Variants in KRT82 observed in about 807,000 individuals in gnomAD.
KRT82 encodes keratin, type II cuticular Hb2.
Under a neutral mutation model 48.0 loss-of-function variants are expected in KRT82, and 44 were observed. The observed-to-expected ratio is 0.92, with a 90% confidence interval of 0.72 to 1.18. The LOEUF is 1.18. Ranked by LOEUF, KRT82 falls within the 50% of genes most tolerant of loss-of-function variation. KRT82 has a pLI of 0.00. For missense variants in KRT82, 701 were observed against 671.4 expected, an observed-to-expected ratio of 1.04 and a Z score of -0.49; for synonymous variants, 297 against 278.3, an observed-to-expected ratio of 1.07 and a Z score of -0.67.
chr12:52,394,639 G>C lies in KRT82; in HGVS notation c.*336C>G. ...CTGACTTTGTGAGGAAACTTCCATG[G>C]GATGATCCACAGAGCAGAACTGTGG... On this transcript the variant is annotated 3_prime_UTR_variant, in exon 9 of 9. Transcript: ENST00000257974. 3.2e-6 allele frequency: 1 copy of C among 313,762 alleles called. No homozygotes were observed. Among genetic ancestry groups the C allele is most frequent in the Non-Finnish European group, 6.0e-6 (1 of 167,624 alleles). The allele number at this position is 313,762 out of a possible 1,614,324, so 19.4% of individuals were successfully genotyped here. A position where few individuals can be genotyped will look rare whatever the true frequency, so the allele number is the denominator to read the frequency against.
At chr12:52,399,448 T>C (rs1939757338) in intron 5 of KRT82, among the ~76,000 whole-genome samples, 2 of 152,322 alleles carry the variant, frequency 1.3e-5, no homozygotes, top group South Asian at 4.1e-4. Context: ...ATGGCGCCTT[T>C]CACAGGCAGG....
chr12:52,400,199 G>A (rs1300179926), intron 4 of KRT82, 50 bp from the exon 5 acceptor site: 2 of 1,569,750 alleles, frequency 1.3e-6, no homozygotes, highest in African/African-American at 1.4e-5. Context: ...AGCGTCCGGG[G>A]ACAGGAGAAG....
chr12:52,394,953 C>T lies in KRT82; in HGVS notation c.*22G>A, dbSNP rs1206857896. 2 of 1,602,002 alleles carry T rather than the reference C, an allele frequency of 1.2e-6. 1 individual carries two copies. The highest frequency in any genetic ancestry group is 1.7e-6 in the Non-Finnish European group (2 of 1,169,538). ...CAGGGCCATGGGGCAGGGGCTCTGT[C>T]TCCTGGATGTCTCGGATCATGCTAA... is the stretch of plus-strand genomic sequence containing the variant. On this transcript the variant is annotated 3_prime_UTR_variant, in exon 9 of 9. Coordinates refer to ENST00000257974, the MANE Select transcript of KRT82 (RefSeq NM_033033.4).
At position 52,394,094 on chromosome 12, in the gene KRT82, C is replaced by T. The variant is rs1287220188; in HGVS notation, c.*881G>A. 1 of 152,292 alleles carries T rather than the reference C, an allele frequency of 6.6e-6. No individual in the cohort carries two copies. Among genetic ancestry groups the T allele is most frequent in the Non-Finnish European group, 1.5e-5 (1 of 68,108 alleles). The allele number at this position is 152,292 out of a possible 1,614,324, so 9.4% of individuals were successfully genotyped here. A position where few individuals can be genotyped will look rare whatever the true frequency, so the allele number is the denominator to read the frequency against. On this transcript the variant is annotated 3_prime_UTR_variant, in exon 9 of 9. Transcript: ENST00000257974. ...CATCTATGAGCTCCTGAGCCAGGGCCTCCAAGTCAGCTGGGGCAGCCCCAC... is the reference window on the plus strand; with the variant it reads ...CATCTATGAGCTCCTGAGCCAGGGCTTCCAAGTCAGCTGGGGCAGCCCCAC...
At chr12:52,396,261 TG>T in intron 6 of KRT82, 29 bp from the exon 7 acceptor site, 1 of 1,584,558 alleles carries the variant, frequency 6.3e-7, no homozygotes, top group Non-Finnish European at 8.6e-7. Context: ...AAAGCATCAC[TG>T]GGGGCCCTGG....
In KRT82 at chr12:52,395,758, C is replaced by T. The variant is rs776558308; in HGVS notation, c.1321+1G>A. 3 of 1,557,200 alleles carry T rather than the reference C, an allele frequency of 1.9e-6. No individual in the cohort carries two copies. The South Asian group carries it at 3.7e-5, about 19-fold the overall frequency. The stretch of plus-strand genomic sequence containing the variant: ...CAGTGGGGCATGGCTCATCTACTTA[C>T]AGATATTCACGGGCCCGATGCCTTC... On this transcript the variant is annotated splice_donor_variant, in intron 8 of 8. Transcript: ENST00000257974. LOFTEE classifies it high-confidence loss of function.
intron 2 of KRT82, among the ~76,000 whole-genome samples, chr12:52,401,627 T>A (rs1939792202): frequency 6.6e-6 from 1 of 152,180 alleles, no homozygotes; most frequent in Non-Finnish European, 1.5e-5. Context: ...CATTCTCTCT[T>A]GCTGCTGAGG....
chr12:52,396,886 G>A lies in KRT82; in HGVS notation c.1065C>T (p.Ala355=), dbSNP rs540504466. ...RLQQETENVK[A]QRCKLEGAIA... ...AGGAAGTCCTCCCCAGCCTCACCTG[G>A]GCTTTGACATTCTCGGTTTCTTGCT... The change falls in exon 6 of 9, where the codon GCC becomes GCT. Residue 355 remains alanine, a synonymous_variant. Transcript: ENST00000257974. The A allele has an allele frequency of 1.8e-5, 29 of 1,613,982 alleles. No homozygotes were observed. The South Asian group carries it at 3.1e-4, about 17-fold the overall frequency.
chr12:52,404,457 A>C (rs1454082979), intron 1 of KRT82, among the ~76,000 whole-genome samples: 3 of 152,226 alleles, frequency 2.0e-5, no homozygotes, highest in African/African-American at 7.2e-5. Flanking sequence ...ATCTGAAAAA[A>C]GTCCAGGTCC....
At position 52,395,144 on chromosome 12, in the gene KRT82, G is replaced by A. The variant is rs2658658; in HGVS notation, c.1373C>T (p.Thr458Met). 751,666 of 1,613,670 alleles carry A rather than the reference G, an allele frequency of 0.47. 181,306 individuals are homozygous for A. The highest frequency in any genetic ancestry group is 0.5 in the Non-Finnish European group (584,640 of 1,179,792). The change falls in exon 9 of 9, where the codon ACG becomes ATG. Residue 458 changes from threonine (T) to methionine (M), a missense_variant. Coordinates refer to ENST00000257974, the MANE Select transcript of KRT82 (RefSeq NM_033033.4). ...AFLYEPCGVS[T>M]PVLSTGVLRS... ...GAGGACGCCAGTGCTGAGGACAGGC[G>A]TGCTGACCCCACATGGCTCGTACAG...
In KRT82 at chr12:52,396,107, G is replaced by A. The variant is rs779727571; in HGVS notation, c.1194C>T (p.Cys398=). 14 of 1,614,214 alleles carry A rather than the reference G, an allele frequency of 8.7e-6. No individual in the cohort carries two copies. In the South Asian group the frequency reaches 1.2e-4, roughly 14 times the overall value. The part of the protein sequence containing the change: ...ALQKAKQDMA[C]LLKEYQEVMN... Reference sequence around the variant, plus strand: ...TCACCTCCTGATATTCCTTGAGCAGGCAGGCCATGTCCTGCTTGGCCTTCT... The same window carrying A: ...TCACCTCCTGATATTCCTTGAGCAGACAGGCCATGTCCTGCTTGGCCTTCT... Residue 398 remains cysteine (C), a synonymous_variant, in exon 7 of 9, where the codon TGC becomes TGT. Coordinates refer to ENST00000257974, the MANE Select transcript of KRT82 (RefSeq NM_033033.4).
chr12:52,400,626 C>T lies in KRT82; in HGVS notation c.682-4G>A. The stretch of plus-strand genomic sequence containing the variant: ...TCAGGAAGGCTGTGTCCACGTCCTG[C>T]AGCAGAGCAGGGACAGAATGTGACC... On this transcript the variant is annotated splice_region_variant and splice_polypyrimidine_tract_variant and intron_variant, in intron 3 of 8. Coordinates refer to ENST00000257974, the MANE Select transcript of KRT82 (RefSeq NM_033033.4). The T allele has an allele frequency of 1.2e-6, 2 of 1,610,228 alleles. No homozygotes were observed. Among genetic ancestry groups the T allele is most frequent in the South Asian group, 1.1e-5 (1 of 91,018 alleles).
chr12:52,402,007 G>A (rs1356784856), intron 2 of KRT82: 4 of 152,144 alleles, frequency 2.6e-5, no homozygotes, highest in East Asian at 1.9e-4. Flanking sequence ...CTGCAGCAAC[G>A]GCCCTGGACT....
chr12:52,401,440 G>T, intron 2 of KRT82, 91 bp from the exon 3 acceptor site: 2 of 1,256,722 alleles, frequency 1.6e-6, no homozygotes, highest in Non-Finnish European at 2.3e-6. Context: ...AACTCTGCCT[G>T]TCACTGACTG....
chr12:52,395,891 T>A (rs1939705860), intron 7 of KRT82, 101 bp from the exon 8 acceptor site: 1 of 1,480,972 alleles, frequency 6.8e-7, no homozygotes, highest in African/African-American at 1.5e-5. Flanking sequence ...CATGTGCTGC[T>A]GTGGGTTTTC....
intron 6 of KRT82, 125 bp downstream of exon 6, chr12:52,396,758 G>C: frequency 9.3e-7 from 1 of 1,078,450 alleles, no homozygotes; most frequent in South Asian, 1.5e-5. Context: ...GCTTGAGCAA[G>C]GCAGCACAAG....
chr12:52,404,112 C>A (rs1034656345), intron 1 of KRT82, among the ~76,000 whole-genome samples: 14 of 152,314 alleles, frequency 9.2e-5, no homozygotes, highest in Middle Eastern at 6.8e-3. Context: ...GCCTAGTGGA[C>A]CCCTACTTTC....
chr12:52,403,970 G>A (rs1411186672), intron 1 of KRT82, 61 bp from the exon 2 acceptor site: 1 of 1,507,420 alleles, frequency 6.6e-7, no homozygotes, highest in African/African-American at 1.4e-5. Context: ...GACTTAGAGA[G>A]GGCAATGGAA....
intron 1 of KRT82, among the ~76,000 whole-genome samples, chr12:52,405,103 G>C (rs12308420): frequency 0.082 from 12,518 of 152,286 alleles, 1,091 homozygotes; most frequent in East Asian, 0.5. Context: ...GAGTCCTTCA[G>C]CACCTTCAGA....
Sources: gnomAD v4.1 joint callset for allele counts (sites outside exome capture counted in the v4.1 genomes callset) on GRCh38, gnomAD v4.1.1 for gene constraint, MANE v1.5 for transcripts, NCBI Gene and HGNC (gene_info 2026-07-23, HGNC 2026-07-21) for gene names.